RAD51B: variants seen among roughly 807,000 people sequenced by gnomAD.
The protein encoded by RAD51B is RAD51 paralog B.
Under a neutral mutation model 42.2 loss-of-function variants are expected in RAD51B, and 38 were observed. The ratio of observed to expected loss-of-function variants is 0.90; its 90% confidence interval spans 0.70 to 1.18. The LOEUF (loss-of-function observed/expected upper bound fraction) is 1.18, where lower values mean the gene tolerates loss of function less well. Among genes scored for constraint, RAD51B ranks in the 50% most tolerant of loss-of-function variants. The probability of loss-of-function intolerance (pLI) is 0.00; values close to 1 mark genes in which losing one functional copy is unlikely to be tolerated. For missense variants in RAD51B, 373 were observed against 400.7 expected, an observed-to-expected ratio of 0.93 and a Z score of 0.59; for synonymous variants, 154 against 145.2, an observed-to-expected ratio of 1.06 and a Z score of -0.43.
chr14:67,911,112 C>A (rs2043966191), intron 7 of RAD51B, among the ~76,000 whole-genome samples: 2 of 152,158 alleles, frequency 1.3e-5, no homozygotes, highest in African/African-American at 4.8e-5. Context: ...GCCACCGTGC[C>A]CAGCCCCAGT....
intron 7 of RAD51B, among the ~76,000 whole-genome samples, chr14:67,910,078 A>T (rs955782154): frequency 7.2e-5 from 11 of 152,176 alleles, no homozygotes; most frequent in African/African-American, 2.7e-4. Context: ...ATCTATCAAT[A>T]TGTCTAATTT....
At chr14:68,321,812 G>A (rs1316868607) in intron 8 of RAD51B, among the ~76,000 whole-genome samples, 1 of 152,120 alleles carries the variant, frequency 6.6e-6, no homozygotes, top group African/African-American at 2.4e-5. Context: ...GTACAGTGCT[G>A]CGATCATGGC....
At chr14:68,135,192 A>C (rs1420975009) in intron 7 of RAD51B, among the ~76,000 whole-genome samples, 1 of 152,180 alleles carries the variant, frequency 6.6e-6, no homozygotes, top group Non-Finnish European at 1.5e-5. Flanking sequence ...TGTTTTAATT[A>C]ATGTAGCAAA....
chr14:68,235,304 C>T (rs760707433), intron 7 of RAD51B, among the ~76,000 whole-genome samples: 4 of 151,818 alleles, frequency 2.6e-5, no homozygotes, highest in Non-Finnish European at 5.9e-5. Flanking sequence ...TTGTTGACCA[C>T]GTAGCACATA....
chr14:67,843,996 A>T (rs1451825259), intron 4 of RAD51B, among the ~76,000 whole-genome samples: 1 of 151,914 alleles, frequency 6.6e-6, no homozygotes, highest in East Asian at 1.9e-4. Flanking sequence ...AACAGTATAA[A>T]CTTTCCTCTT....
chr14:67,963,035 A>G lies in RAD51B; in HGVS notation c.756+75831A>G, dbSNP rs555334179. ...AGTTAGAGGGACTTTTTCACAATTA[A>G]TGTTTCTTGAGTGAAGAAACATTTG... is the stretch of plus-strand genomic sequence containing the variant. On this transcript the variant is annotated intron_variant, in intron 7 of 10. Transcript: ENST00000471583. 1.7e-4 allele frequency among the ~76,000 whole-genome samples: 26 copies of G among 152,218 alleles called. No homozygotes were observed. The South Asian group carries it at 4.1e-3, about 24-fold the overall frequency.
chr14:68,231,998 A>G (rs2080159289), intron 7 of RAD51B, among the ~76,000 whole-genome samples: 4 of 152,210 alleles, frequency 2.6e-5, no homozygotes, highest in Admixed American at 2.6e-4. Flanking sequence ...AGTGATTCAT[A>G]TGCTCAAGTG....
intron 10 of RAD51B, among the ~76,000 whole-genome samples, chr14:68,489,695 GCAGGGCTGGGACTCTGTAGGAAGA>G (rs1425127660): frequency 6.6e-6 from 1 of 152,214 alleles, no homozygotes; most frequent in African/African-American, 2.4e-5. Flanking sequence ...CTTTCCCAGT[GCAGGGCTGGGACTCTGTAGGAAGA>G]GGAAAATAGC....
At chr14:67,855,956 C>CG (rs1258374569) in intron 4 of RAD51B, among the ~76,000 whole-genome samples, 2 of 152,192 alleles carry the variant, frequency 1.3e-5, no homozygotes, top group Admixed American at 1.3e-4. Context: ...TTAGCATATG[C>CG]GGTTGATTGG....
intron 7 of RAD51B, among the ~76,000 whole-genome samples, chr14:67,936,703 G>C (rs953190431): frequency 2.6e-5 from 4 of 152,154 alleles, no homozygotes; most frequent in African/African-American, 9.6e-5. Context: ...CCAGCAGCGA[G>C]CTAGGGTTCC....
intron 11 of RAD51B, among the ~76,000 whole-genome samples, chr14:68,678,122 C>G (rs376223222): frequency 1.1e-4 from 17 of 152,264 alleles, no homozygotes; most frequent in African/African-American, 4.1e-4. Context: ...ATAACTTGCC[C>G]AAGGTTACAT....
chr14:68,268,865 C>T lies in RAD51B; in HGVS notation c.757-23019C>T, dbSNP rs2081045683. Among the ~76,000 whole-genome samples the T allele has an allele frequency of 2.6e-5, 4 of 152,246 alleles. No individual in the cohort carries two copies. The South Asian group carries it at 8.3e-4, about 31-fold the overall frequency. On this transcript the variant is annotated intron_variant, in intron 7 of 10. Transcript: ENST00000471583. ...GAGACCACATCCTGCCTTAGATGAA[C>T]TGGAATTCCATTTGAAAGTGTTTCC... is the stretch of plus-strand genomic sequence containing the variant.
intron 7 of RAD51B, among the ~76,000 whole-genome samples, chr14:68,187,070 TGGAGG>T (rs1300288875): frequency 6.6e-6 from 1 of 152,200 alleles, no homozygotes; most frequent in Non-Finnish European, 1.5e-5. Flanking sequence ...TGGATGCAGC[TGGAGG>T]CCATTATCCT....
At chr14:68,442,460 T>TA (rs1441005924) in intron 9 of RAD51B, among the ~76,000 whole-genome samples, 34 of 146,790 alleles carry the variant, frequency 2.3e-4, no homozygotes, top group African/African-American at 7.1e-4. Flanking sequence ...TTTTTTTTTT[T>TA]AGCTAGAGTC....
chr14:68,300,145 GATATT>G (rs2081697294), intron 8 of RAD51B, among the ~76,000 whole-genome samples: 2 of 152,186 alleles, frequency 1.3e-5, no homozygotes, highest in African/African-American at 2.4e-5. Context: ...CAGCTGAGCA[GATATT>G]ATAAGTTTGT....
At chr14:68,530,784 C>T (rs568004739) in intron 10 of RAD51B, among the ~76,000 whole-genome samples, 1 of 151,872 alleles carries the variant, frequency 6.6e-6, no homozygotes, top group Non-Finnish European at 1.5e-5. Flanking sequence ...AACTCAGTTT[C>T]AAGGCAGGAC....
rs1882799206 is a variant in RAD51B, at chr14:68,477,659, C to G, written c.1048C>G (p.Pro350Ala). 1 of 1,609,932 alleles carries G rather than the reference C, an allele frequency of 6.2e-7. No homozygotes were observed. Among genetic ancestry groups the G allele is most frequent in the Non-Finnish European group, 8.5e-7 (1 of 1,178,842 alleles). ...TTTTTTTCCTTTAGGCCAAGAGAAG[C>G]CATAGGGATACTGTGACCTTTGTCT... ...EGLVLQGQEK[P>A] The change falls in exon 11 of 11, where the codon CCA (proline) becomes GCA (alanine). Residue 350 changes from proline to alanine, a missense_variant. Coordinates refer to ENST00000471583, the MANE Select transcript of RAD51B (RefSeq NM_133510.4).
chr14:68,404,843 C>G (rs1270485610), intron 8 of RAD51B, among the ~76,000 whole-genome samples: 1 of 152,158 alleles, frequency 6.6e-6, no homozygotes, highest in Non-Finnish European at 1.5e-5. Flanking sequence ...AGTATGGAGC[C>G]TGAGTGACAT....
chr14:68,055,940 C>T lies in RAD51B; in HGVS notation c.756+168736C>T, dbSNP rs728074. ...CAAGAGCATGAGCATCACTGGGAGT[C>T]ATCTTGGAGGCTGGGTTTTAGTGTC... On this transcript the variant is annotated intron_variant, in intron 7 of 10. Transcript: ENST00000471583. 3.3e-3 allele frequency among the ~76,000 whole-genome samples: 507 copies of T among 152,288 alleles called. 3 individuals are homozygous for T. Among genetic ancestry groups the T allele is most frequent in the African/African-American group, 0.012 (484 of 41,566 alleles).
Sources: allele counts gnomAD v4.1 joint callset (sites outside exome capture counted in the v4.1 genomes callset), GRCh38; gene constraint gnomAD v4.1.1; transcripts MANE v1.5; gene names NCBI Gene and HGNC (gene_info 2026-07-23, HGNC 2026-07-21).